Variants in SDHAF2 observed in about 807,000 individuals in gnomAD.
SDHAF2 encodes succinate dehydrogenase complex assembly factor 2.
SDHAF2 carries 21 observed loss-of-function variants against 18.5 expected under a neutral mutation model. The observed-to-expected ratio is 1.13, with a 90% CI of 0.80 to 1.63. The LOEUF is 1.63. SDHAF2 is among the 40% of genes most tolerant of loss of function. The probability of loss-of-function intolerance (pLI) is 0.00; values close to 1 mark genes in which losing one functional copy is unlikely to be tolerated. For synonymous variants in SDHAF2, 84 were observed against 70.7 expected (o/e 1.19, Z -0.94); for missense variants, 195 against 200.3 (o/e 0.97, Z 0.16).
At chr11:61,445,829 C>A in intron 3 of SDHAF2, 112 bp from the exon 4 acceptor site, 1 of 1,206,204 alleles carries the variant, frequency 8.3e-7, no homozygotes, top group Non-Finnish European at 1.2e-6. Flanking sequence ...AGGATGGAGA[C>A]AGTCTATATA....
intron 3 of SDHAF2, among the ~76,000 whole-genome samples, chr11:61,444,693 A>G (rs1862116767): frequency 6.6e-6 from 1 of 152,192 alleles, no homozygotes; most frequent in Non-Finnish European, 1.5e-5. Flanking sequence ...CAGTGAGTCC[A>G]GATCGCACCA....
Position 61,446,294 on chromosome 11 carries a change from T to G in SDHAF2, c.*223T>G. ...TTCAGCTCTGAGCCTCAAAAGTGAT[T>G]TGTCAGCAGCGCTGGCATGCAGGCT... On this transcript the variant is annotated 3_prime_UTR_variant, in exon 4 of 4. Transcript: ENST00000301761. The G allele has an allele frequency of 1.6e-6, 1 of 622,570 alleles. No individual in the cohort carries two copies. The highest frequency in any genetic ancestry group is 2.9e-6 in the Non-Finnish European group (1 of 349,786). The allele number at this position is 622,570 out of a possible 1,614,324, so 38.6% of individuals were successfully genotyped here. A position where few individuals can be genotyped will look rare whatever the true frequency, so the allele number is the denominator to read the frequency against.
At chr11:61,436,648 G>A (rs754952774) in intron 1 of SDHAF2, 16 of 360,048 alleles carry the variant, frequency 4.4e-5, no homozygotes, top group Non-Finnish European at 7.7e-5. Context: ...GAGCAGGGAG[G>A]GAAGAGACTA....
rs896187191 is a variant in SDHAF2 at position 61,446,217 on chromosome 11, T to G, written c.*146T>G. On this transcript the variant is annotated 3_prime_UTR_variant, in exon 4 of 4. Transcript: ENST00000301761. ...GCCTCAAGTGATGGACATAACCCTCTCCTAGGACATACATGTAAATGCACA... is the reference window on the plus strand; with the variant it reads ...GCCTCAAGTGATGGACATAACCCTCGCCTAGGACATACATGTAAATGCACA... 3.6e-6 allele frequency: 3 copies of G among 833,694 alleles called. No homozygotes were observed. The African/African-American group carries it at 5.0e-5, about 14-fold the overall frequency. 51.6% of individuals were successfully genotyped at this position (833,694 alleles called of 1,614,324 possible).
intron 1 of SDHAF2, chr11:61,431,971 T>G (rs1296199656): frequency 6.6e-6 from 1 of 152,338 alleles, no homozygotes; most frequent in East Asian, 1.9e-4. Context: ...ATTACAGGCG[T>G]GAGCCACCGC....
intron 3 of SDHAF2, among the ~76,000 whole-genome samples, chr11:61,439,740 A>G (rs552673849): frequency 6.6e-6 from 1 of 152,354 alleles, no homozygotes; most frequent in East Asian, 1.9e-4. Context: ...AGCATAATGC[A>G]TTTGAGATGC....
chr11:61,433,030 T>A (rs1439356311), intron 1 of SDHAF2: 7 of 151,462 alleles, frequency 4.6e-5, no homozygotes, highest in Non-Finnish European at 8.8e-5. Context: ...CTCTATATAT[T>A]TTTTTAATTT....
At chr11:61,434,357 T>A (rs562607407) in intron 1 of SDHAF2, 1 of 152,182 alleles carries the variant, frequency 6.6e-6, no homozygotes, top group Non-Finnish European at 1.5e-5. Context: ...TTTTGTACTT[T>A]TAGTAGAGAC....
Sources: gnomAD v4.1 joint callset for allele counts (sites outside exome capture counted in the v4.1 genomes callset) on GRCh38, gnomAD v4.1.1 for gene constraint, MANE v1.5 for transcripts, NCBI Gene and HGNC (gene_info 2026-07-23, HGNC 2026-07-21) for gene names.